Variants in TAF1 observed in about 807,000 individuals in gnomAD.
TAF1 encodes transcription initiation factor TFIID subunit 1.
Under a neutral mutation model 138.5 loss-of-function variants are expected in TAF1, and 2 were observed. The observed-to-expected ratio is 0.01, with a 90% CI of 0.01 to 0.05. The LOEUF (loss-of-function observed/expected upper bound fraction) is 0.05, where lower values mean the gene tolerates loss of function less well. TAF1 is among the 10% of genes least tolerant of loss of function. The pLI is 1.00. For missense variants in TAF1, 709 were observed against 1,478.0 expected (o/e 0.48, Z 8.53); for synonymous variants, 437 against 503.2 (o/e 0.87, Z 1.76).
intron 18 of TAF1, among the ~76,000 whole-genome samples, chrX:71,390,992 T>C (rs1289179160): frequency 1.9e-5 from 2 of 107,134 alleles, no homozygotes; most frequent in African/African-American, 6.8e-5. Context: ...CGAATCTCCA[T>C]CTCAAAAAAA....
intron 13 of TAF1, among the ~76,000 whole-genome samples, chrX:71,497,800 T>C (rs1022822462): frequency 9.0e-6 from 1 of 110,919 alleles, no homozygotes; most frequent in Non-Finnish European, 1.9e-5. Context: ...GAGTATAGAG[T>C]GGTCTGGCCA....
intron 13 of TAF1, among the ~76,000 whole-genome samples, chrX:71,526,323 A>G (rs2039997578): frequency 8.9e-6 from 1 of 112,449 alleles, no homozygotes. Flanking sequence ...AAAAAATACT[A>G]TCATAGAAAT....
At chrX:71,523,532 G>T (rs1352619183) in intron 13 of TAF1, among the ~76,000 whole-genome samples, 1 of 111,622 alleles carries the variant, frequency 9.0e-6, no homozygotes, top group Non-Finnish European at 1.9e-5. Flanking sequence ...TTATGACAGG[G>T]TATATTTCTT....
intron 13 of TAF1, among the ~76,000 whole-genome samples, chrX:71,514,972 T>TTAG (rs759139173): frequency 9.0e-6 from 1 of 111,676 alleles, no homozygotes; most frequent in East Asian, 2.8e-4. Flanking sequence ...TGAGACTGGA[T>TTAG]TAGTAGGCAG....
At chrX:71,430,466 T>C (rs2036830565) in intron 32 of TAF1, among the ~76,000 whole-genome samples, 1 of 110,572 alleles carries the variant, frequency 9.0e-6, no homozygotes, top group African/African-American at 3.3e-5. Context: ...GCTAACAAAT[T>C]AGGTGTATCT....
chrX:71,420,512 A>C (rs1602614502), intron 28 of TAF1: 1 of 1,205,236 alleles, frequency 8.3e-7, no homozygotes, highest in East Asian at 3.0e-5. Flanking sequence ...TCTTCTCCTC[A>C]ATGACATGAT....
At chrX:71,406,525 C>T in intron 25 of TAF1, 113 bp from the exon 26 acceptor site, 3 of 736,731 alleles carry the variant, frequency 4.1e-6, no homozygotes, top group Middle Eastern at 4.9e-4. Flanking sequence ...TTGGCTTTTT[C>T]CTCGCTAGGC....
At chrX:71,398,952 T>C (rs904613246) in intron 24 of TAF1, among the ~76,000 whole-genome samples, 3 of 110,888 alleles carry the variant, frequency 2.7e-5, no homozygotes, top group Admixed American at 9.6e-5. Context: ...CTCTCTCTCT[T>C]TTTTTTAGAC....
Position 71,377,575 on chromosome X carries a change from T to C in TAF1, c.715-28T>C, listed in dbSNP as rs114348135. On this transcript the variant is annotated intron_variant, in intron 5 of 37. Coordinates refer to ENST00000423759, the MANE Select transcript of TAF1 (RefSeq NM_004606.5). ...GTTTTCCCATCTGACTTTGAGTCTG[T>C]GTCATAGTAATGTATTCTGTGTTCT... The C allele has an allele frequency of 6.6e-3, 7,880 of 1,196,177 alleles. 332 individuals carry two copies. In the African/African-American group the frequency reaches 0.12, roughly 19 times the overall value.
intron 32 of TAF1, among the ~76,000 whole-genome samples, chrX:71,441,421 A>T (rs1207720718): frequency 2.7e-5 from 3 of 110,857 alleles, no homozygotes; most frequent in Non-Finnish European, 1.9e-5. Context: ...TCAATGATAC[A>T]GTTTTTAAAT....
intron 18 of TAF1, among the ~76,000 whole-genome samples, chrX:71,392,239 C>T (rs187987005): frequency 2.7e-5 from 3 of 111,527 alleles, no homozygotes; most frequent in Non-Finnish European, 5.6e-5. Context: ...GAAACACTGT[C>T]CTTAAGAATG....
chrX:71,408,415 C>T (rs1238340297), intron 28 of TAF1, among the ~76,000 whole-genome samples: 1 of 110,851 alleles, frequency 9.0e-6, no homozygotes, highest in Non-Finnish European at 1.9e-5. Context: ...CCTCTCGGTT[C>T]AAGCGATTCT....
At chrX:71,505,153 AAT>A (rs1285581411) in intron 13 of TAF1, among the ~76,000 whole-genome samples, 1 of 111,153 alleles carries the variant, frequency 9.0e-6, no homozygotes, top group Non-Finnish European at 1.9e-5. Context: ...ATGTATATAT[AAT>A]ATATGAGTCC....
At chrX:71,380,178 A>G (rs1330313966) in intron 8 of TAF1, among the ~76,000 whole-genome samples, 1 of 110,896 alleles carries the variant, frequency 9.0e-6, no homozygotes, top group African/African-American at 3.3e-5. Flanking sequence ...ACAGTTTTGC[A>G]TACTGTGCTT....
intron 13 of TAF1, among the ~76,000 whole-genome samples, chrX:71,486,786 T>C (rs1165164260): frequency 1.8e-5 from 2 of 111,179 alleles, no homozygotes; most frequent in African/African-American, 6.5e-5. Flanking sequence ...ATAATTATAG[T>C]CTCTTATAAT....
intron 28 of TAF1, chrX:71,420,088 G>T: frequency 2.3e-6 from 1 of 426,730 alleles, no homozygotes; most frequent in South Asian, 3.2e-5. Flanking sequence ...TTTTAGTAAG[G>T]GGAGTACCAT....
At chrX:71,401,862 T>C (rs1476206145) in intron 25 of TAF1, 123 bp downstream of exon 25, 1 of 661,177 alleles carries the variant, frequency 1.5e-6, no homozygotes, top group East Asian at 3.3e-5. Flanking sequence ...GGAATTTTGA[T>C]GGCGTTTCCT....
rs371604721 is a variant in TAF1 at position 71,387,977 on chromosome X, A to G, written c.2428-260A>G. ...TAGCCAGGCATGGTGGCGCACGCCTATGGTCCCAGCTACTCTGGAGGCTGA... is the reference window on the plus strand; with the variant it reads ...TAGCCAGGCATGGTGGCGCACGCCTGTGGTCCCAGCTACTCTGGAGGCTGA... On this transcript the variant is annotated intron_variant, in intron 15 of 37. Coordinates refer to ENST00000423759, the MANE Select transcript of TAF1 (RefSeq NM_004606.5). Among the ~76,000 whole-genome samples the G allele has an allele frequency of 6.4e-5, 7 of 109,446 alleles. No individual in the cohort carries two copies. The East Asian group carries it at 1.4e-3, about 22-fold the overall frequency.
At chrX:71,369,550 G>A (rs998538814) in intron 3 of TAF1, among the ~76,000 whole-genome samples, 15 of 110,487 alleles carry the variant, frequency 1.4e-4, no homozygotes, top group African/African-American at 4.6e-4. Flanking sequence ...AGCTCAGTTC[G>A]TTAGACATTG....
Sources: allele counts gnomAD v4.1 joint callset (sites outside exome capture counted in the v4.1 genomes callset), GRCh38; gene constraint gnomAD v4.1.1; transcripts MANE v1.5; gene names NCBI Gene and HGNC (gene_info 2026-07-23, HGNC 2026-07-21).